Variants in LY96 observed in about 807,000 individuals in gnomAD.
The protein encoded by LY96 is myeloid differentiation protein-2.
In LY96, 18 loss-of-function variants were observed where a neutral mutation model predicts 18.9. The ratio of observed to expected loss-of-function variants is 0.95; its 90% confidence interval spans 0.66 to 1.41. The LOEUF (loss-of-function observed/expected upper bound fraction) is 1.41. Ranked by LOEUF, LY96 falls within the 40% of genes most tolerant of loss-of-function variation. The probability of loss-of-function intolerance (pLI) is 0.00; values close to 1 mark genes in which losing one functional copy is unlikely to be tolerated. For missense variants in LY96, 175 were observed against 182.4 expected (o/e 0.96, Z 0.23); for synonymous variants, 66 against 62.6 (o/e 1.06, Z -0.26).
the LY96 span, among the ~76,000 whole-genome samples, chr8:74,053,091 C>T: frequency 1.3e-5 from 2 of 152,162 alleles, no homozygotes; most frequent in Admixed American, 1.3e-4. Context: ...AATGGAACTC[C>T]ATCTGTAGTC....
the LY96 span, among the ~76,000 whole-genome samples, chr8:74,057,177 C>T: frequency 4.6e-4 from 70 of 152,282 alleles, no homozygotes; most frequent in African/African-American, 1.3e-3. Flanking sequence ...AGTGATTTCA[C>T]GTAGCGCACC....
chr8:73,994,717 T>C (rs1477611604), intron 1 of LY96, among the ~76,000 whole-genome samples: 1 of 152,156 alleles, frequency 6.6e-6, no homozygotes, highest in Non-Finnish European at 1.5e-5. Context: ...GAACTCCTGG[T>C]CTCAAGCAAT....
At chr8:74,002,388 T>A (rs1464678076) in intron 1 of LY96, among the ~76,000 whole-genome samples, 1 of 151,770 alleles carries the variant, frequency 6.6e-6, no homozygotes, top group Non-Finnish European at 1.5e-5. Flanking sequence ...ACCATTACCT[T>A]AAGTTTTCTT....
downstream of LY96, among the ~76,000 whole-genome samples, chr8:74,032,721 C>G (rs901172082): frequency 6.6e-6 from 1 of 152,160 alleles, no homozygotes; most frequent in Non-Finnish European, 1.5e-5. Context: ...GTAAAAATAA[C>G]TACTTTAAGG....
At chr8:74,089,450 T>G in the LY96 span, among the ~76,000 whole-genome samples, 1 of 151,982 alleles carries the variant, frequency 6.6e-6, no homozygotes, top group Non-Finnish European at 1.5e-5. Context: ...CCCCCAAACA[T>G]GCATAGGACG....
At chr8:74,039,239 G>A in the LY96 span, among the ~76,000 whole-genome samples, 2 of 152,124 alleles carry the variant, frequency 1.3e-5, no homozygotes, top group South Asian at 4.2e-4. Flanking sequence ...TTTTTTTCCT[G>A]TAGAGTTATT....
chr8:74,086,776 T>C, the LY96 span, among the ~76,000 whole-genome samples: 2 of 152,186 alleles, frequency 1.3e-5, no homozygotes, highest in Non-Finnish European at 2.9e-5. Context: ...ATTAGTGCCC[T>C]TATAAAAGAG....
chr8:74,085,728 A>AT, the LY96 span, among the ~76,000 whole-genome samples: 5 of 151,444 alleles, frequency 3.3e-5, no homozygotes, highest in African/African-American at 1.2e-4. Context: ...TTTAAATTTA[A>AT]TTTTTTCCAA....
At chr8:74,066,489 G>A in the LY96 span, among the ~76,000 whole-genome samples, 7,096 of 152,106 alleles carry the variant, frequency 0.047, 421 homozygotes, top group African/African-American at 0.13. Flanking sequence ...AATTCAGTAC[G>A]GTGGTAGGAT....
chr8:73,991,888 CACTT>C (rs1450778991), intron 1 of LY96, among the ~76,000 whole-genome samples: 1 of 151,892 alleles, frequency 6.6e-6, no homozygotes, highest in Non-Finnish European at 1.5e-5. Flanking sequence ...TCAGCCTTGA[CACTT>C]ACTAGTTCTT....
At chr8:74,053,757 C>A in the LY96 span, among the ~76,000 whole-genome samples, 1 of 152,166 alleles carries the variant, frequency 6.6e-6, no homozygotes, top group Middle Eastern at 3.2e-3. Context: ...GAAACTTAAT[C>A]TCAGAATTCA....
the LY96 span, among the ~76,000 whole-genome samples, chr8:74,084,605 A>ATC: frequency 6.6e-6 from 1 of 151,712 alleles, no homozygotes; most frequent in Non-Finnish European, 1.5e-5. Flanking sequence ...CTGTCTTTCA[A>ATC]TCTCTCTCTC....
the LY96 span, among the ~76,000 whole-genome samples, chr8:74,067,516 GT>G: frequency 6.6e-6 from 1 of 151,634 alleles, no homozygotes; most frequent in Non-Finnish European, 1.5e-5. Context: ...CCTTCCATGT[GT>G]TTTTTTTGTT....
the LY96 span, among the ~76,000 whole-genome samples, chr8:74,093,096 T>G: frequency 1.3e-5 from 2 of 152,196 alleles, no homozygotes; most frequent in African/African-American, 2.4e-5. Context: ...CATTCTGGAT[T>G]TTCAGTTCCC....
At chr8:74,080,989 T>C in the LY96 span, among the ~76,000 whole-genome samples, 1 of 44,256 alleles carries the variant, frequency 2.3e-5, no homozygotes, top group East Asian at 5.3e-4. Context: ...TCTCTCTCTT[T>C]CTTTCTTTCT....
At chr8:74,014,842 C>CAA (rs1158706972) in intron 3 of LY96, among the ~76,000 whole-genome samples, 1 of 151,600 alleles carries the variant, frequency 6.6e-6, no homozygotes, top group African/African-American at 2.4e-5. Flanking sequence ...CACACACACA[C>CAA]ACACATATAT....
chr8:74,068,030 C>T, the LY96 span, among the ~76,000 whole-genome samples: 1 of 136,648 alleles, frequency 7.3e-6, no homozygotes, highest in Non-Finnish European at 1.5e-5. Context: ...CATTGCACTC[C>T]ACCCTGGGTG....
At chr8:74,007,435 G>A (rs902400331) in intron 2 of LY96, among the ~76,000 whole-genome samples, 6 of 151,982 alleles carry the variant, frequency 3.9e-5, no homozygotes, top group Non-Finnish European at 7.4e-5. Context: ...TTTTTATAGC[G>A]CAATTATGTT....
At chr8:74,099,503 G>A in the LY96 span, 1 of 152,202 alleles carries the variant, frequency 6.6e-6, no homozygotes, top group African/African-American at 2.4e-5. Context: ...TGGAGAATGT[G>A]CAGCAAAGGT....
Sources: gnomAD v4.1 joint callset for allele counts (sites outside exome capture counted in the v4.1 genomes callset) on GRCh38, gnomAD v4.1.1 for gene constraint, MANE v1.5 for transcripts, NCBI Gene and HGNC (gene_info 2026-07-23, HGNC 2026-07-21) for gene names.